The following ERBB4 variants were observed in gnomAD, a reference collection of about 807,000 sequenced individuals.
ERBB4 encodes the protein erb-b2 receptor tyrosine kinase 4.
In ERBB4, 42 loss-of-function variants were observed where a neutral mutation model predicts 158.0. The ratio of observed to expected loss-of-function variants is 0.27; its 90% CI spans 0.21 to 0.34. The LOEUF (loss-of-function observed/expected upper bound fraction) is 0.34. Among genes scored for constraint, ERBB4 ranks in the 10% least tolerant of loss-of-function variants. The pLI, the probability that ERBB4 is intolerant of heterozygous loss-of-function variation, is 1.00. For missense variants in ERBB4, 1,333 were observed against 1,624.1 expected (o/e 0.82, Z 3.08); for synonymous variants, 583 against 558.7 (o/e 1.04, Z -0.61).
chr2:211,815,231 A>G (rs1299353771), intron 3 of ERBB4, among the ~76,000 whole-genome samples: 4 of 152,236 alleles, frequency 2.6e-5, no homozygotes, highest in South Asian at 2.1e-4. Context: ...CTACTAGAAT[A>G]ATAGCAACTA....
intron 1 of ERBB4, among the ~76,000 whole-genome samples, chr2:212,134,135 G>T (rs2080194149): frequency 6.6e-6 from 1 of 151,636 alleles, no homozygotes; most frequent in Non-Finnish European, 1.5e-5. Flanking sequence ...TAAAACTAGG[G>T]TTTTTATTTC....
At chr2:212,062,141 C>A (rs1173602727) in intron 2 of ERBB4, among the ~76,000 whole-genome samples, 1 of 152,124 alleles carries the variant, frequency 6.6e-6, no homozygotes, top group Non-Finnish European at 1.5e-5. Context: ...AGAATCTATT[C>A]TGTTTTTCAA....
chr2:211,752,496 A>C (rs991552921), intron 4 of ERBB4, among the ~76,000 whole-genome samples: 2 of 149,156 alleles, frequency 1.3e-5, no homozygotes, highest in Non-Finnish European at 3.0e-5. Flanking sequence ...AACTGGAAAA[A>C]AAAAAAAAAG....
intron 1 of ERBB4, among the ~76,000 whole-genome samples, chr2:212,274,974 C>T (rs1052427615): frequency 6.6e-6 from 1 of 151,828 alleles, no homozygotes; most frequent in African/African-American, 2.4e-5. Flanking sequence ...TCCCTGTGTC[C>T]ATGTGTTCTC....
chr2:212,095,242 G>A (rs34349040), intron 2 of ERBB4, among the ~76,000 whole-genome samples: 2,676 of 152,288 alleles, frequency 0.018, 37 homozygotes, highest in Non-Finnish European at 0.027. Flanking sequence ...CCAGAGGCAT[G>A]CAGTTATCAA....
intron 1 of ERBB4, among the ~76,000 whole-genome samples, chr2:212,167,255 A>C (rs1172670578): frequency 6.6e-6 from 1 of 152,140 alleles, no homozygotes; most frequent in Non-Finnish European, 1.5e-5. Context: ...AGAAAAAAAC[A>C]ACCCCATCAA....
chr2:212,419,477 C>A (rs1338981057), intron 1 of ERBB4, among the ~76,000 whole-genome samples: 1 of 151,754 alleles, frequency 6.6e-6, no homozygotes. Flanking sequence ...TTGAATGATT[C>A]TTCATCCTAA....
intron 5 of ERBB4, among the ~76,000 whole-genome samples, chr2:211,739,076 C>A (rs542163393): frequency 1.3e-5 from 2 of 152,162 alleles, no homozygotes; most frequent in East Asian, 1.9e-4. Flanking sequence ...AATTTTTAAT[C>A]TATAATTCAT....
intron 2 of ERBB4, among the ~76,000 whole-genome samples, chr2:212,066,203 C>A (rs73069232): frequency 1.2e-3 from 185 of 152,072 alleles, no homozygotes; most frequent in African/African-American, 4.3e-3. Context: ...CTGGCTCTAA[C>A]TTGTGTCCTA....
chr2:212,099,272 G>T lies in ERBB4; in HGVS notation c.234+25480C>A, dbSNP rs140535973. 7.1e-3 allele frequency among the ~76,000 whole-genome samples: 1,084 copies of T among 151,808 alleles called. 6 individuals carry two copies. The highest frequency in any genetic ancestry group is 0.028 in the Middle Eastern group (8 of 288). On this transcript the variant is annotated intron_variant, in intron 2 of 27. Coordinates refer to ENST00000342788, the MANE Select transcript of ERBB4 (RefSeq NM_005235.3). ...TCTCAAATAAATATACAAATAAAAG[G>T]CTACTGCTTCAAAAAATTCTTATTC...
At chr2:211,583,052 C>A (rs572922132) in intron 19 of ERBB4, among the ~76,000 whole-genome samples, 146 of 152,106 alleles carry the variant, frequency 9.6e-4, no homozygotes, top group Non-Finnish European at 1.8e-3. Flanking sequence ...TATTTAAATA[C>A]TTCATTCAGT....
chr2:211,709,803 A>G lies in ERBB4; in HGVS notation c.1124+2247T>C, dbSNP rs907090179. 1.6e-4 allele frequency among the ~76,000 whole-genome samples: 24 copies of G among 152,272 alleles called. No homozygotes were observed. The Middle Eastern group carries it at 0.014, about 86-fold the overall frequency. ...TCCAATTTCACTTGATCTTAGCCAA[A>G]AAGTCGAGAAGCAATTTACTCCAAT... On this transcript the variant is annotated intron_variant, in intron 9 of 27. Coordinates refer to ENST00000342788, the MANE Select transcript of ERBB4 (RefSeq NM_005235.3).
chr2:212,045,486 GA>G (rs2077238732), intron 2 of ERBB4, among the ~76,000 whole-genome samples: 1 of 152,078 alleles, frequency 6.6e-6, no homozygotes, highest in Non-Finnish European at 1.5e-5. Flanking sequence ...AAAGGAAAAA[GA>G]AAAGTAACAT....
chr2:211,693,611 A>G (rs948550005), intron 12 of ERBB4, among the ~76,000 whole-genome samples: 1 of 152,154 alleles, frequency 6.6e-6, no homozygotes, highest in Non-Finnish European at 1.5e-5. Flanking sequence ...GACAGAGTAG[A>G]GTTTCCCAAA....
chr2:212,056,190 C>G (rs1444149580), intron 2 of ERBB4, among the ~76,000 whole-genome samples: 1 of 152,004 alleles, frequency 6.6e-6, no homozygotes, highest in Non-Finnish European at 1.5e-5. Context: ...GATTGAAGAT[C>G]AAATTAATGA....
chr2:212,337,840 A>G (rs970888253), intron 1 of ERBB4, among the ~76,000 whole-genome samples: 2 of 150,898 alleles, frequency 1.3e-5, no homozygotes, highest in Non-Finnish European at 1.5e-5. Context: ...CTAATCTACA[A>G]TTGCTCCCTT....
intron 16 of ERBB4, among the ~76,000 whole-genome samples, chr2:211,632,908 G>T (rs575092254): frequency 2.0e-5 from 3 of 151,960 alleles, no homozygotes; most frequent in Non-Finnish European, 4.4e-5. Context: ...CAACCTGAAG[G>T]AATAAAGAAC....
At chr2:211,619,656 T>C (rs1378423624) in intron 18 of ERBB4, among the ~76,000 whole-genome samples, 1 of 152,058 alleles carries the variant, frequency 6.6e-6, no homozygotes, top group African/African-American at 2.4e-5. Flanking sequence ...AGTTGTATCA[T>C]CTGTAATTTA....
At chr2:212,125,160 A>G (rs1300536995) in intron 1 of ERBB4, 1 of 471,200 alleles carries the variant, frequency 2.1e-6, no homozygotes, top group East Asian at 4.0e-5. Flanking sequence ...GATAAACTTA[A>G]TCCCATTTGT....
Sources: allele counts gnomAD v4.1 joint callset (sites outside exome capture counted in the v4.1 genomes callset), GRCh38; gene constraint gnomAD v4.1.1; transcripts MANE v1.5; gene names NCBI Gene and HGNC (gene_info 2026-07-23, HGNC 2026-07-21).